Variants in GPATCH8 observed in about 807,000 individuals in gnomAD.
GPATCH8 encodes G-patch domain containing 8, also known as G patch domain-containing protein 8.
In GPATCH8, 18 loss-of-function variants were observed where a neutral mutation model predicts 118.3. That is an observed-to-expected ratio of 0.15 (90% CI 0.11 to 0.23). The LOEUF (loss-of-function observed/expected upper bound fraction) is 0.23, where lower values mean the gene tolerates loss of function less well. Ranked by LOEUF, GPATCH8 falls within the 10% of genes least tolerant of loss-of-function variation. The pLI, the probability that GPATCH8 is intolerant of heterozygous loss-of-function variation, is 1.00. For missense variants in GPATCH8, 1,631 were observed against 1,873.8 expected (o/e 0.87, Z 2.39); for synonymous variants, 659 against 684.7 (o/e 0.96, Z 0.59).
intron 5 of GPATCH8, among the ~76,000 whole-genome samples, chr17:44,432,646 G>A (rs1159480442): frequency 6.6e-6 from 1 of 152,168 alleles, no homozygotes; most frequent in Non-Finnish European, 1.5e-5. Context: ...TGAGTGTGTG[G>A]TGCTAGAGGG....
rs574553520 is a variant in GPATCH8 at position 44,401,997 on chromosome 17, C to G, written c.624-544G>C. Among the ~76,000 whole-genome samples the G allele has an allele frequency of 2.1e-5, 3 of 142,904 alleles. No individual in the cohort carries two copies. In the South Asian group the frequency reaches 6.7e-4, roughly 32 times the overall value. The allele number at this position is 142,904 out of a possible 152,430, so 93.8% of individuals were successfully genotyped here. A position where few individuals can be genotyped will look rare whatever the true frequency, so the allele number is the denominator to read the frequency against. On this transcript the variant is annotated intron_variant, in intron 7 of 7. Coordinates refer to ENST00000591680, the MANE Select transcript of GPATCH8 (RefSeq NM_001002909.4). ...CCAGTCTGGGTGACAGAGCGAGACT[C>G]CCTCTCAAAAAAATTAAAAAAAAAA...
At chr17:44,488,193 G>A (rs1598625484) in intron 1 of GPATCH8, among the ~76,000 whole-genome samples, 1 of 143,138 alleles carries the variant, frequency 7.0e-6, no homozygotes, top group East Asian at 2.1e-4. Flanking sequence ...AGAGTGCTGG[G>A]ATTACAGGCA....
intron 3 of GPATCH8, among the ~76,000 whole-genome samples, chr17:44,449,716 A>C (rs1568006110): frequency 6.8e-6 from 1 of 147,414 alleles, no homozygotes; most frequent in Non-Finnish European, 1.5e-5. Context: ...GGGTTTCTCC[A>C]TGTTGAGGCT....
intron 3 of GPATCH8, among the ~76,000 whole-genome samples, chr17:44,457,885 T>C (rs568467407): frequency 1.9e-4 from 29 of 151,918 alleles, no homozygotes; most frequent in Middle Eastern, 3.4e-3. Context: ...ATGGAGACCA[T>C]CCTGGCTAAC....
rs190370610 is a variant in GPATCH8, at chr17:44,450,790, A to G, written c.193+13682T>C. Among the ~76,000 whole-genome samples the G allele has an allele frequency of 5.5e-3, 836 of 152,268 alleles. 5 individuals carry two copies. The highest frequency in any genetic ancestry group is 9.2e-3 in the Non-Finnish European group (623 of 68,012). ...TACCAACGCTTCTCATGGAAGAATA[A>G]AGAGATTCCACTAACTCACAGACAC... is the stretch of plus-strand genomic sequence containing the variant. On this transcript the variant is annotated intron_variant, in intron 3 of 7. Coordinates refer to ENST00000591680, the MANE Select transcript of GPATCH8 (RefSeq NM_001002909.4).
intron 1 of GPATCH8, among the ~76,000 whole-genome samples, chr17:44,477,025 T>G (rs957446088): frequency 1.3e-5 from 2 of 152,216 alleles, no homozygotes; most frequent in Non-Finnish European, 2.9e-5. Flanking sequence ...ACTAAAGACT[T>G]CAGTCTTTTG....
chr17:44,446,838 A>ATT (rs139025311), intron 3 of GPATCH8, among the ~76,000 whole-genome samples: 2 of 150,542 alleles, frequency 1.3e-5, no homozygotes, highest in South Asian at 2.1e-4. Context: ...CATTTCATCT[A>ATT]TTTTTTTTTC....
intron 2 of GPATCH8, among the ~76,000 whole-genome samples, chr17:44,471,071 AATAGAG>A (rs1967243020): frequency 6.6e-6 from 1 of 152,248 alleles, no homozygotes; most frequent in Non-Finnish European, 1.5e-5. Flanking sequence ...ACTTGTTTTT[AATAGAG>A]ATAATCAAGT....
At chr17:44,502,708 C>T (rs1970177920) in intron 1 of GPATCH8, among the ~76,000 whole-genome samples, 1 of 152,160 alleles carries the variant, frequency 6.6e-6, no homozygotes, top group South Asian at 2.1e-4. Flanking sequence ...CAGTAACTTA[C>T]TGCTTTCCAA....
At chr17:44,426,880 T>A (rs542161879) in intron 5 of GPATCH8, among the ~76,000 whole-genome samples, 45 of 150,882 alleles carry the variant, frequency 3.0e-4, no homozygotes, top group Middle Eastern at 3.4e-3. Context: ...TCTCTCTCTC[T>A]CACACTCTCT....
At chr17:44,449,540 G>A (rs1291564889) in intron 3 of GPATCH8, among the ~76,000 whole-genome samples, 3 of 144,798 alleles carry the variant, frequency 2.1e-5, no homozygotes, top group Non-Finnish European at 3.0e-5. Flanking sequence ...TCCTGAGACA[G>A]AGTTTCACTC....
intron 3 of GPATCH8, among the ~76,000 whole-genome samples, chr17:44,447,636 T>TA (rs2050936436): frequency 1.3e-5 from 2 of 150,804 alleles, no homozygotes; most frequent in Non-Finnish European, 3.0e-5. Flanking sequence ...TTTTTTTTTT[T>TA]AAGACAGGTT....
chr17:44,415,492 A>G (rs9907524), intron 6 of GPATCH8, among the ~76,000 whole-genome samples: 91,736 of 151,988 alleles, frequency 0.6, 27,902 homozygotes, highest in Middle Eastern at 0.67. Flanking sequence ...TCAGATTTTG[A>G]AACATTTTGG....
rs1044688938 is a variant in GPATCH8 at position 44,467,002 on chromosome 17, G to A, written c.121-2458C>T. 5 of 448,090 alleles carry A rather than the reference G, an allele frequency of 1.1e-5. No individual in the cohort carries two copies. The East Asian group carries it at 2.2e-4, about 19-fold the overall frequency. 27.8% of individuals were successfully genotyped at this position (448,090 alleles called of 1,614,324 possible). On this transcript the variant is annotated intron_variant, in intron 2 of 7. Coordinates refer to ENST00000591680, the MANE Select transcript of GPATCH8 (RefSeq NM_001002909.4). Reference sequence around the variant, plus strand: ...GGAGATGAGACATTATGCTGATTGTGTTATATTATGAATGCACTCAAATAA... The same window carrying A: ...GGAGATGAGACATTATGCTGATTGTATTATATTATGAATGCACTCAAATAA...
chr17:44,423,334 T>C (rs572012247), intron 6 of GPATCH8, among the ~76,000 whole-genome samples: 1 of 152,296 alleles, frequency 6.6e-6, no homozygotes, highest in Non-Finnish European at 1.5e-5. Context: ...ATTGGTTAGG[T>C]ATATTTAAAT....
At chr17:44,503,196 A>T in intron 1 of GPATCH8, 130 bp downstream of exon 1, 1 of 810,246 alleles carries the variant, frequency 1.2e-6, no homozygotes, top group South Asian at 1.4e-5. Flanking sequence ...GAAAGCAGAG[A>T]CGGGAGAAGA....
At chr17:44,436,411 C>G (rs2050515428) in intron 4 of GPATCH8, 67 bp downstream of exon 4, 1 of 798,618 alleles carries the variant, frequency 1.3e-6, no homozygotes, top group South Asian at 1.3e-5. Context: ...GCACAGACAT[C>G]TGAATTTGGA....
chr17:44,444,902 C>G (rs549213518), intron 3 of GPATCH8, among the ~76,000 whole-genome samples: 1 of 152,158 alleles, frequency 6.6e-6, no homozygotes, highest in Non-Finnish European at 1.5e-5. Context: ...AGAGAATGAA[C>G]ATGTTCGTAG....
At chr17:44,434,854 C>T (rs1157346772) in intron 5 of GPATCH8, among the ~76,000 whole-genome samples, 2 of 152,172 alleles carry the variant, frequency 1.3e-5, no homozygotes, top group East Asian at 3.9e-4. Flanking sequence ...TGTAATCTTT[C>T]TAACACACTT....
Sources: gnomAD v4.1 joint callset for allele counts (sites outside exome capture counted in the v4.1 genomes callset) on GRCh38, gnomAD v4.1.1 for gene constraint, MANE v1.5 for transcripts, NCBI Gene and HGNC (gene_info 2026-07-23, HGNC 2026-07-21) for gene names.